Variants in USP53 observed in about 807,000 individuals in gnomAD.
USP53 encodes ubiquitin specific peptidase 53, also known as ubiquitin carboxyl-terminal hydrolase 53.
A neutral mutation model predicts 94.9 loss-of-function variants in USP53; 71 were observed. The ratio of observed to expected loss-of-function variants is 0.75; its 90% CI spans 0.62 to 0.91. USP53 has a LOEUF of 0.91. USP53 is among the 40% of genes least tolerant of loss of function. The pLI is 0.00. For missense variants in USP53, 1,173 were observed against 1,281.0 expected, an observed-to-expected ratio of 0.92 and a Z score of 1.29; for synonymous variants, 375 against 422.7, an observed-to-expected ratio of 0.89 and a Z score of 1.39.
intron 1 of USP53, chr4:119,213,223 G>GTAA (rs1261822765): frequency 3.9e-5 from 6 of 152,798 alleles, no homozygotes; most frequent in African/African-American, 1.2e-4. Flanking sequence ...GGGATTGTGA[G>GTAA]TAATACCCTT....
rs538074201 is a variant in USP53 at position 119,282,110 on chromosome 4, A to T, written c.2251+8402A>T. Among the ~76,000 whole-genome samples the T allele has an allele frequency of 3.9e-5, 6 of 152,156 alleles. No individual in the cohort carries two copies. The South Asian group carries it at 1.2e-3, about 32-fold the overall frequency. ...GTGAGTTATTTCACTTAGCATGATG[A>T]CTTCAGGGTTCCTCCATGTTGTAGA... On this transcript the variant is annotated intron_variant, in intron 17 of 18. Transcript: ENST00000692078.
At chr4:119,261,616 G>T (rs1750526214) in intron 11 of USP53, 99 bp from the exon 12 acceptor site, 1 of 976,644 alleles carries the variant, frequency 1.0e-6, no homozygotes, top group Admixed American at 2.6e-5. Flanking sequence ...GTATGCATGA[G>T]AAATATTTCA....
chr4:119,247,773 ATAAG>A (rs1230384344), intron 6 of USP53, among the ~76,000 whole-genome samples: 1 of 152,224 alleles, frequency 6.6e-6, no homozygotes, highest in Non-Finnish European at 1.5e-5. Context: ...AATTGCCTAA[ATAAG>A]AGATAAAATC....
chr4:119,283,308 G>C (rs1013995886), intron 17 of USP53, among the ~76,000 whole-genome samples: 1 of 151,936 alleles, frequency 6.6e-6, no homozygotes, highest in Non-Finnish European at 1.5e-5. Context: ...CAAGTAGTTT[G>C]GTATATGCAG....
At chr4:119,227,960 A>G (rs796593524) in intron 3 of USP53, among the ~76,000 whole-genome samples, 1 of 152,244 alleles carries the variant, frequency 6.6e-6, no homozygotes, top group Non-Finnish European at 1.5e-5. Flanking sequence ...TCCATTTATG[A>G]GAAATTCTAG....
At chr4:119,254,752 T>G (rs1045820402) in intron 7 of USP53, among the ~76,000 whole-genome samples, 1 of 152,134 alleles carries the variant, frequency 6.6e-6, no homozygotes, top group African/African-American at 2.4e-5. Flanking sequence ...CTCCGACCAG[T>G]TTTGTTACCT....
chr4:119,231,237 C>G (rs762600671), intron 3 of USP53, among the ~76,000 whole-genome samples: 1 of 152,182 alleles, frequency 6.6e-6, no homozygotes, highest in Non-Finnish European at 1.5e-5. Context: ...AGCGAACACC[C>G]TGTAGCAATT....
chr4:119,230,015 C>T (rs1246115779), intron 3 of USP53, among the ~76,000 whole-genome samples: 2 of 152,132 alleles, frequency 1.3e-5, no homozygotes, highest in African/African-American at 2.4e-5. Context: ...GAAACTTGTG[C>T]TCGTTTTTCA....
chr4:119,283,922 A>G (rs1344497507), intron 17 of USP53, among the ~76,000 whole-genome samples: 2 of 151,910 alleles, frequency 1.3e-5, no homozygotes. Context: ...TCCTTCAGGA[A>G]AATTGGAGAT....
rs775819979 is a variant in USP53, at chr4:119,271,281, A to G, written c.1436-15A>G. 7.6e-7 allele frequency: 1 copy of G among 1,314,334 alleles called. No homozygotes were observed. Among genetic ancestry groups the G allele is most frequent in the South Asian group, 1.6e-5 (1 of 62,864 alleles). The allele number at this position is 1,314,334 out of a possible 1,614,324, so 81.4% of individuals were successfully genotyped here. A position where few individuals can be genotyped will look rare whatever the true frequency, so the allele number is the denominator to read the frequency against. On this transcript the variant is annotated splice_polypyrimidine_tract_variant and intron_variant, in intron 15 of 18. Transcript: ENST00000692078. Reference sequence around the variant, plus strand: ...GAGGAGTAATTCATGTGTATCTTTAATTTTTTTTTTTAAGATTTGGTTGAT... The same window carrying G: ...GAGGAGTAATTCATGTGTATCTTTAGTTTTTTTTTTTAAGATTTGGTTGAT...
At chr4:119,215,313 T>C (rs1258224071) in intron 2 of USP53, among the ~76,000 whole-genome samples, 3 of 152,198 alleles carry the variant, frequency 2.0e-5, no homozygotes, top group Non-Finnish European at 4.4e-5. Flanking sequence ...TTGCACATGA[T>C]AGGAACAAGA....
rs114415672 is a variant in USP53, at chr4:119,224,850, T to G, written c.-665+7177T>G. Among the ~76,000 whole-genome samples, 629 of 152,208 alleles carry G rather than the reference T, an allele frequency of 4.1e-3. 3 individuals are homozygous for G. Among genetic ancestry groups the G allele is most frequent in the African/African-American group, 0.014 (599 of 41,520 alleles). ...GTGTGGAGGGAAATTTATAACAAAA[T>G]GCTTATATTAGAAAAGAAGAAAGCT... On this transcript the variant is annotated intron_variant, in intron 3 of 18. Transcript: ENST00000692078.
intron 13 of USP53, 58 bp downstream of exon 13, chr4:119,267,540 T>C: frequency 6.6e-7 from 1 of 1,511,122 alleles, no homozygotes; most frequent in East Asian, 2.3e-5. Flanking sequence ...CAACTAGGAA[T>C]ACTAGTACTC....
chr4:119,256,621 C>A, intron 9 of USP53, 98 bp downstream of exon 9: 2 of 1,237,572 alleles, frequency 1.6e-6, no homozygotes, highest in Non-Finnish European at 2.3e-6. Context: ...ATGAATTTCC[C>A]CTCTCTGTCT....
intron 9 of USP53, 151 bp downstream of exon 9, chr4:119,256,674 C>G: frequency 2.5e-6 from 2 of 816,094 alleles, no homozygotes; most frequent in Non-Finnish European, 3.9e-6. Context: ...TAAGTGATGT[C>G]TATCAAAGTT....
chr4:119,229,934 T>G (rs942424340), intron 3 of USP53, among the ~76,000 whole-genome samples: 3 of 152,166 alleles, frequency 2.0e-5, no homozygotes, highest in South Asian at 4.1e-4. Context: ...CGTACTTTAT[T>G]GTGTATATTA....
At chr4:119,212,609 C>T, upstream of USP53, 1 of 407,052 alleles carries the variant, frequency 2.5e-6, no homozygotes, top group South Asian at 1.7e-5. Context: ...ACCTGTTGAT[C>T]GCAGGTGTCA....
chr4:119,269,871 G>T, intron 15 of USP53, 34 bp downstream of exon 15: 1 of 1,301,788 alleles, frequency 7.7e-7, no homozygotes, highest in Non-Finnish European at 9.9e-7. Flanking sequence ...GATTTTAAAA[G>T]GAACTTCTAA....
chr4:119,254,549 G>A (rs994317183), intron 7 of USP53, among the ~76,000 whole-genome samples: 3 of 152,008 alleles, frequency 2.0e-5, no homozygotes, highest in Non-Finnish European at 2.9e-5. Flanking sequence ...CGAAGTTCTC[G>A]TACTATGTTT....
Sources: allele counts gnomAD v4.1 joint callset (sites outside exome capture counted in the v4.1 genomes callset), GRCh38; gene constraint gnomAD v4.1.1; transcripts MANE v1.5; gene names NCBI Gene and HGNC (gene_info 2026-07-23, HGNC 2026-07-21).